COL9A1: variants seen among roughly 807,000 people sequenced by gnomAD.
COL9A1 encodes the protein collagen type IX alpha 1 chain.
COL9A1 carries 104 observed loss-of-function variants against 142.6 expected under a neutral mutation model. That is an observed-to-expected ratio of 0.73 (90% CI 0.62 to 0.86). COL9A1 has a LOEUF of 0.86. COL9A1 is among the 40% of genes least tolerant of loss of function. The pLI, the probability that COL9A1 is intolerant of heterozygous loss-of-function variation, is 0.00. For missense variants in COL9A1, 1,210 were observed against 1,176.6 expected (o/e 1.03, Z -0.42); for synonymous variants, 466 against 396.0 (o/e 1.18, Z -2.10).
At chr6:70,301,630 T>G (rs1774067716) in intron 2 of COL9A1, among the ~76,000 whole-genome samples, 1 of 152,056 alleles carries the variant, frequency 6.6e-6, no homozygotes, top group African/African-American at 2.4e-5. Context: ...TAATGGTACA[T>G]CAAACATGCT....
chr6:70,242,689 C>T lies in COL9A1; in HGVS notation c.1899G>A (p.Val633=), dbSNP rs1770341705. The T allele has an allele frequency of 1.4e-5, 23 of 1,614,020 alleles. No homozygotes were observed. The highest frequency in any genetic ancestry group is 1.9e-5 in the Non-Finnish European group (22 of 1,180,008). The stretch of plus-strand genomic sequence containing the variant: ...GTTTACCTGGTAGGCCTGGGGATCC[C>T]ACTGGTCCTAATTCTCCTCTACTGC... ...LPGSRGELGP[V]GSPGLPGKLG... The change falls in exon 29 of 38, where the codon GTG becomes GTA. Residue 633 remains valine (V), a synonymous_variant. Coordinates refer to ENST00000357250, the MANE Select transcript of COL9A1 (RefSeq NM_001851.6).
chr6:70,247,626 T>C (rs989969558), intron 28 of COL9A1, among the ~76,000 whole-genome samples: 4 of 152,254 alleles, frequency 2.6e-5, no homozygotes, highest in Non-Finnish European at 5.9e-5. Flanking sequence ...TTTCTATAGA[T>C]TGCTGCTTTT....
chr6:70,232,281 T>A (rs1191541915), intron 36 of COL9A1, among the ~76,000 whole-genome samples: 1 of 152,240 alleles, frequency 6.6e-6, no homozygotes, highest in African/African-American at 2.4e-5. Flanking sequence ...AATGATCGTT[T>A]ACCAGATCCC....
intron 29 of COL9A1, 52 bp downstream of exon 29, chr6:70,242,610 A>T: frequency 1.4e-6 from 2 of 1,480,212 alleles, no homozygotes; most frequent in Non-Finnish European, 1.9e-6. Flanking sequence ...GCTTATTTTT[A>T]AAAATGCATT....
intron 31 of COL9A1, among the ~76,000 whole-genome samples, 160 bp downstream of exon 31, chr6:70,241,259 G>A (rs1360060320): frequency 2.0e-5 from 3 of 152,152 alleles, no homozygotes; most frequent in Non-Finnish European, 4.4e-5. Context: ...CAATGCTGCG[G>A]ACCAAACTCA....
At chr6:70,276,158 A>G (rs113890292) in intron 10 of COL9A1, among the ~76,000 whole-genome samples, 1,650 of 152,310 alleles carry the variant, frequency 0.011, 14 homozygotes, top group Middle Eastern at 0.02. Context: ...CCCTAGTCTA[A>G]TTACAACACC....
chr6:70,279,648 C>CA (rs57993118), intron 10 of COL9A1: 1,611 of 57,934 alleles, frequency 0.028, 63 homozygotes, highest in South Asian at 0.049. Flanking sequence ...AACTTCGTCT[C>CA]AAAAAAAAAA....
Position 70,268,979 on chromosome 6 carries a change from A to C in COL9A1, c.1231-119T>G, listed in dbSNP as rs1033904259. The C allele has an allele frequency of 3.9e-6, 3 of 765,840 alleles. No individual in the cohort carries two copies. In the African/African-American group the frequency reaches 5.1e-5, roughly 13 times the overall value. 47.4% of individuals were successfully genotyped at this position (765,840 alleles called of 1,614,324 possible). ...CCAGTTACAGAACTCCATTGCAATAATATTCATTGAATAATTCTAAACACC... is the reference window on the plus strand; with the variant it reads ...CCAGTTACAGAACTCCATTGCAATACTATTCATTGAATAATTCTAAACACC... On this transcript the variant is annotated intron_variant, in intron 16 of 37. Transcript: ENST00000357250.
rs143760322 is a variant in COL9A1, at chr6:70,276,169, G to A, written c.976-1397C>T. On this transcript the variant is annotated intron_variant, in intron 10 of 37. Transcript: ENST00000357250. ...ATAGCCCTAGTCTAATTACAACACC[G>A]TAATTTGGGAACAAACCTCAACATG... 1.9e-3 allele frequency among the ~76,000 whole-genome samples: 287 copies of A among 152,202 alleles called. 1 individual carries two copies. Among genetic ancestry groups the A allele is most frequent in the African/African-American group, 6.6e-3 (274 of 41,520 alleles).
At chr6:70,252,431 C>A in intron 26 of COL9A1, 116 bp from the exon 27 acceptor site, 3 of 886,218 alleles carry the variant, frequency 3.4e-6, no homozygotes, top group Non-Finnish European at 5.6e-6. Context: ...CCTGCTTTCA[C>A]ACTGAGAATC....
intron 33 of COL9A1, among the ~76,000 whole-genome samples, chr6:70,237,176 T>C (rs892725707): frequency 1.3e-5 from 2 of 152,142 alleles, no homozygotes; most frequent in African/African-American, 4.8e-5. Flanking sequence ...AGAAATATAC[T>C]GAAGAACTGA....
intron 5 of COL9A1, among the ~76,000 whole-genome samples, chr6:70,293,467 A>T (rs533290613): frequency 6.6e-6 from 1 of 152,154 alleles, no homozygotes; most frequent in African/African-American, 2.4e-5. Context: ...GAGCTCTAAA[A>T]TCCTTCACTT....
chr6:70,236,559 AAACAAAT>A (rs1472309370), intron 33 of COL9A1, among the ~76,000 whole-genome samples: 3 of 152,236 alleles, frequency 2.0e-5, no homozygotes, highest in Non-Finnish European at 4.4e-5. Context: ...TGGCTCTTTC[AAACAAAT>A]ACTTTAAACT....
In COL9A1 at chr6:70,216,677, C is replaced by A; in HGVS notation, c.*220G>T. The A allele has an allele frequency of 2.9e-5, 16 of 547,848 alleles. No individual in the cohort carries two copies. Among genetic ancestry groups the A allele is most frequent in the African/African-American group, 3.9e-5 (2 of 51,032 alleles). The allele number at this position is 547,848 out of a possible 1,614,324, so 33.9% of individuals were successfully genotyped here. ...TTCTTTTTTTTTTTTTAACTGATGA[C>A]TCTGCTGTCTTCCCTCCAAGGGAAA... On this transcript the variant is annotated 3_prime_UTR_variant, in exon 38 of 38. Transcript: ENST00000357250.
At chr6:70,231,167 C>T (rs993903866) in intron 36 of COL9A1, among the ~76,000 whole-genome samples, 6 of 152,146 alleles carry the variant, frequency 3.9e-5, no homozygotes, top group Admixed American at 3.9e-4. Flanking sequence ...CCTGGTGACT[C>T]CGCTGCTCCG....
Position 70,234,910 on chromosome 6 carries a change from CT to C in COL9A1, c.2142del (p.Pro716LeufsTer52). ...GGAAGCCCCCGACTTCCCTCAGGCC[CT>C]CTCAAGCCAGGTTCCCCAGGATTAC... ...SAGNPGEPGL[R>X]GPEGSRGLPG... On this transcript the variant is annotated frameshift_variant, in exon 34 of 38. Transcript: ENST00000357250. LOFTEE classifies it high-confidence loss of function. The C allele has an allele frequency of 6.2e-7, 1 of 1,614,186 alleles. No individual in the cohort carries two copies. Among genetic ancestry groups the C allele is most frequent in the Non-Finnish European group, 8.5e-7 (1 of 1,180,036 alleles).
chr6:70,241,977 A>G lies in COL9A1; in HGVS notation c.1985T>C (p.Met662Thr). The G allele has an allele frequency of 6.3e-7, 1 of 1,596,264 alleles. No individual in the cohort carries two copies. Among genetic ancestry groups the G allele is most frequent in the African/African-American group, 1.3e-5 (1 of 74,580 alleles). Residue 662 changes from methionine (M) to threonine (T), a missense_variant, in exon 30 of 38, where the codon ATG becomes ACG. By Grantham distance (81) the Met-to-Thr change is moderately conservative. Transcript: ENST00000357250. Reference sequence around the variant, plus strand: ...TGGAGCTCTTACCCTGTCACCTTTCATTCCAGGAAGTCCAGGGGGCCCAGG... The same window carrying G: ...TGGAGCTCTTACCCTGTCACCTTTCGTTCCAGGAAGTCCAGGGGGCCCAGG... ...GLPGPPGLPGMKGDRGVVGEP... is the reference protein window; with the variant it reads ...GLPGPPGLPGTKGDRGVVGEP...
chr6:70,222,751 T>A (rs80042938), intron 37 of COL9A1: 1 of 151,936 alleles, frequency 6.6e-6, no homozygotes, highest in Non-Finnish European at 1.5e-5. Context: ...TTTTTTTTTT[T>A]ATTCAGGAGG....
At chr6:70,281,256 G>T in intron 8 of COL9A1, 134 bp downstream of exon 8, 1 of 911,326 alleles carries the variant, frequency 1.1e-6, no homozygotes, top group Non-Finnish European at 1.7e-6. Context: ...GTCTGATCCT[G>T]CCTTTAAGTG....
Sources: allele counts gnomAD v4.1 joint callset (sites outside exome capture counted in the v4.1 genomes callset), GRCh38; gene constraint gnomAD v4.1.1; transcripts MANE v1.5; gene names NCBI Gene and HGNC (gene_info 2026-07-23, HGNC 2026-07-21).